ABCC4: variants seen among roughly 807,000 people sequenced by gnomAD.
The protein encoded by ABCC4 is ATP binding cassette subfamily C member 4 (PEL blood group), also known as ATP-binding cassette sub-family C member 4.
In ABCC4, 102 loss-of-function variants were observed where a neutral mutation model predicts 168.5. The ratio of observed to expected loss-of-function variants is 0.61; its 90% CI spans 0.52 to 0.71. The LOEUF (loss-of-function observed/expected upper bound fraction) is 0.71, where lower values mean the gene tolerates loss of function less well. Ranked by LOEUF, ABCC4 falls within the 30% of genes least tolerant of loss-of-function variation. The pLI, the probability that ABCC4 is intolerant of heterozygous loss-of-function variation, is 0.00. For synonymous variants in ABCC4, 617 were observed against 590.7 expected (o/e 1.04, Z -0.65); for missense variants, 1,402 against 1,605.8 (o/e 0.87, Z 2.17).
chr13:95,029,994 TCCATCC>T (rs2031793227), intron 30 of ABCC4, among the ~76,000 whole-genome samples: 1 of 150,108 alleles, frequency 6.7e-6, no homozygotes, highest in Non-Finnish European at 1.5e-5. Context: ...TATCTATCCA[TCCATCC>T]ATCCATCCAT....
intron 1 of ABCC4, among the ~76,000 whole-genome samples, chr13:95,259,083 C>G (rs1456071401): frequency 6.6e-6 from 1 of 152,042 alleles, no homozygotes; most frequent in Admixed American, 6.6e-5. Flanking sequence ...CCCACTCTAC[C>G]TCATTAGAAA....
At chr13:95,241,231 G>A in intron 3 of ABCC4, among the ~76,000 whole-genome samples, 1 of 151,750 alleles carries the variant, frequency 6.6e-6, no homozygotes, top group Non-Finnish European at 1.5e-5. Context: ...TGGGTGTGGT[G>A]GCGCACACCT....
chr13:95,071,809 T>G lies in ABCC4; in HGVS notation c.3063A>C (p.Lys1021Asn). ...GTTTCTGATATTCCCAAGGTGCTTCTTTTTCAAGGTCTGTGTATTCAATGA... is the reference window on the plus strand; with the variant it reads ...GTTTCTGATATTCCCAAGGTGCTTCGTTTTCAAGGTCTGTGTATTCAATGA... The part of the protein sequence containing the change: ...ERVIEYTDLE[K>N]EAPWEYQKRP... The change falls in exon 25 of 31, where the codon AAA becomes AAC. Residue 1021 changes from lysine to asparagine, a missense_variant. Lys to Asn is a moderately conservative substitution (Grantham distance 94). Transcript: ENST00000645237. 2 of 1,600,428 alleles carry G rather than the reference T, an allele frequency of 1.2e-6. No individual in the cohort carries two copies. The highest frequency in any genetic ancestry group is 2.3e-5 in the South Asian group (2 of 87,938).
chr13:95,288,044 A>G (rs1414583483), intron 1 of ABCC4, among the ~76,000 whole-genome samples: 3 of 145,690 alleles, frequency 2.1e-5, no homozygotes, highest in Non-Finnish European at 4.6e-5. Flanking sequence ...TCTGCCTCAC[A>G]CAAATAATAA....
At chr13:95,229,614 G>A (rs931109042) in intron 4 of ABCC4, among the ~76,000 whole-genome samples, 1 of 152,190 alleles carries the variant, frequency 6.6e-6, no homozygotes, top group Non-Finnish European at 1.5e-5. Flanking sequence ...GAGCTAATTA[G>A]GCCACAGATC....
At chr13:95,134,055 C>A (rs2036062622) in intron 19 of ABCC4, among the ~76,000 whole-genome samples, 1 of 152,154 alleles carries the variant, frequency 6.6e-6, no homozygotes, top group South Asian at 2.1e-4. Context: ...CCATGCGCTA[C>A]AATTTCAAGA....
intron 1 of ABCC4, among the ~76,000 whole-genome samples, chr13:95,290,135 GATAGATAGA>G (rs1566604084): frequency 1.3e-5 from 2 of 151,734 alleles, no homozygotes; most frequent in Admixed American, 6.6e-5. Context: ...TAGATAGATA[GATAGATAGA>G]TAGATGATAG....
intron 1 of ABCC4, among the ~76,000 whole-genome samples, chr13:95,258,176 T>A (rs1293814706): frequency 6.6e-6 from 1 of 152,186 alleles, no homozygotes; most frequent in Non-Finnish European, 1.5e-5. Context: ...ACCTTCACCC[T>A]TGGTTTCCCT....
chr13:95,104,491 A>ATTG (rs1332956937), intron 20 of ABCC4, among the ~76,000 whole-genome samples: 2 of 152,216 alleles, frequency 1.3e-5, no homozygotes, highest in African/African-American at 4.8e-5. Context: ...TTTAAGACAC[A>ATTG]TGTGAAGCTA....
chr13:95,194,985 A>C (rs1290659276), intron 8 of ABCC4, 48 bp from the exon 9 acceptor site: 1 of 1,520,256 alleles, frequency 6.6e-7, no homozygotes, highest in African/African-American at 1.4e-5. Flanking sequence ...CAGAAACAAA[A>C]GCACAAACAA....
intron 19 of ABCC4, among the ~76,000 whole-genome samples, chr13:95,142,907 T>G (rs113533181): frequency 0.025 from 3,758 of 152,072 alleles, 127 homozygotes; most frequent in African/African-American, 0.075. Context: ...AATATAATAA[T>G]AAGAAGAAGA....
At chr13:95,131,408 A>G (rs1378581975) in intron 19 of ABCC4, among the ~76,000 whole-genome samples, 1 of 152,138 alleles carries the variant, frequency 6.6e-6, no homozygotes, top group Non-Finnish European at 1.5e-5. Flanking sequence ...TGGGCAGATC[A>G]CCTGACGTCA....
chr13:95,093,676 C>G (rs1427836122), intron 20 of ABCC4, among the ~76,000 whole-genome samples: 1 of 152,096 alleles, frequency 6.6e-6, no homozygotes, highest in South Asian at 2.1e-4. Flanking sequence ...CAACATAGTA[C>G]TGGAAGTCCT....
intron 20 of ABCC4, among the ~76,000 whole-genome samples, chr13:95,106,934 G>A (rs143307090): frequency 7.2e-4 from 110 of 152,218 alleles, no homozygotes; most frequent in Non-Finnish European, 1.4e-3. Flanking sequence ...GGGGCTGTGG[G>A]GGAGTTCAGA....
chr13:95,299,274 A>AC (rs1462900269), intron 1 of ABCC4, among the ~76,000 whole-genome samples: 1 of 150,692 alleles, frequency 6.6e-6, no homozygotes, highest in Non-Finnish European at 1.5e-5. Context: ...TCTCAAAAAA[A>AC]AAAAAAAAAA....
intron 1 of ABCC4, among the ~76,000 whole-genome samples, chr13:95,256,525 G>T (rs2040396373): frequency 6.6e-6 from 1 of 152,216 alleles, no homozygotes; most frequent in Admixed American, 6.5e-5. Context: ...GGAGTCTGAG[G>T]CAGGAAGATT....
chr13:95,224,813 G>A (rs2039410084), intron 4 of ABCC4, among the ~76,000 whole-genome samples: 1 of 152,028 alleles, frequency 6.6e-6, no homozygotes, highest in African/African-American at 2.4e-5. Context: ...TGGAAACCTG[G>A]AGCTAAAGGG....
chr13:95,218,925 A>AGAG (rs1566539415), intron 4 of ABCC4, among the ~76,000 whole-genome samples: 5,539 of 94,528 alleles, frequency 0.059, 340 homozygotes, highest in East Asian at 0.13. Flanking sequence ...GAGAGAAAGA[A>AGAG]AGAGAAAGAA....
At chr13:95,219,014 A>AAAGG (rs2039235797) in intron 4 of ABCC4, among the ~76,000 whole-genome samples, 2 of 151,760 alleles carry the variant, frequency 1.3e-5, no homozygotes, top group African/African-American at 4.8e-5. Context: ...AGTGAGAAAG[A>AAAGG]AAGGAAGGAA....
Sources: allele counts gnomAD v4.1 joint callset (sites outside exome capture counted in the v4.1 genomes callset), GRCh38; gene constraint gnomAD v4.1.1; transcripts MANE v1.5; gene names NCBI Gene and HGNC (gene_info 2026-07-23, HGNC 2026-07-21).